The following RBPJ variants were observed in gnomAD, a reference collection of about 807,000 sequenced individuals.
RBPJ encodes recombination signal binding protein for immunoglobulin kappa J region, also known as recombining binding protein suppressor of hairless.
Under a neutral mutation model 67.8 loss-of-function variants are expected in RBPJ, and 9 were observed. The observed-to-expected ratio is 0.13, with a 90% confidence interval of 0.08 to 0.23. The LOEUF (loss-of-function observed/expected upper bound fraction) is 0.23. Ranked by LOEUF, RBPJ falls within the 10% of genes least tolerant of loss-of-function variation. The pLI is 1.00. For missense variants in RBPJ, 305 were observed against 595.6 expected, an observed-to-expected ratio of 0.51 and a Z score of 5.08; for synonymous variants, 198 against 203.3, an observed-to-expected ratio of 0.97 and a Z score of 0.22.
At chr4:26,387,430 T>G (rs1731027534) in intron 2 of RBPJ, among the ~76,000 whole-genome samples, 1 of 152,130 alleles carries the variant, frequency 6.6e-6, no homozygotes, top group African/African-American at 2.4e-5. Context: ...AAGTCATTTA[T>G]AATTAATAAA....
intron 1 of RBPJ, among the ~76,000 whole-genome samples, chr4:26,276,758 G>C (rs760342899): frequency 1.3e-5 from 2 of 152,148 alleles, no homozygotes; most frequent in Non-Finnish European, 2.9e-5. Flanking sequence ...GATATTAACT[G>C]AGCACATACT....
chr4:26,212,974 A>G (rs1357928341), intron 1 of RBPJ, among the ~76,000 whole-genome samples: 1 of 151,764 alleles, frequency 6.6e-6, no homozygotes, highest in African/African-American at 2.4e-5. Flanking sequence ...ACACATCTCA[A>G]CTCCACAGGA....
At chr4:26,382,074 A>G (rs1287544457) in intron 1 of RBPJ, among the ~76,000 whole-genome samples, 3 of 152,148 alleles carry the variant, frequency 2.0e-5, no homozygotes, top group African/African-American at 2.4e-5. Flanking sequence ...CCATATACCT[A>G]TTATCAAAAA....
At chr4:26,250,825 T>C (rs949473818) in intron 1 of RBPJ, among the ~76,000 whole-genome samples, 14 of 152,366 alleles carry the variant, frequency 9.2e-5, no homozygotes, top group African/African-American at 3.1e-4. Context: ...CTTAATACAC[T>C]GTGGACATCT....
At chr4:26,399,868 G>A (rs1227229953) in intron 2 of RBPJ, among the ~76,000 whole-genome samples, 2 of 151,894 alleles carry the variant, frequency 1.3e-5, no homozygotes, top group African/African-American at 2.4e-5. Flanking sequence ...TTGTAGAGAT[G>A]GGGTTTCACT....
At chr4:26,408,568 C>T (rs1166376184) in intron 3 of RBPJ, among the ~76,000 whole-genome samples, 4 of 151,984 alleles carry the variant, frequency 2.6e-5, no homozygotes, top group Admixed American at 6.5e-5. Context: ...ATAGTGAATC[C>T]GAGGTAGAAA....
chr4:26,282,066 G>A (rs143437397), intron 1 of RBPJ, among the ~76,000 whole-genome samples: 6 of 151,704 alleles, frequency 4.0e-5, no homozygotes, highest in African/African-American at 1.5e-4. Flanking sequence ...TATCTAGGAA[G>A]AGAGTCAGTT....
intron 1 of RBPJ, among the ~76,000 whole-genome samples, chr4:26,180,924 G>A (rs376489324): frequency 1.8e-4 from 27 of 152,094 alleles, no homozygotes; most frequent in East Asian, 7.7e-4. Flanking sequence ...TCATAGAGGC[G>A]AGTATTTCCC....
At chr4:26,132,727 A>C in the RBPJ span, among the ~76,000 whole-genome samples, 1 of 152,204 alleles carries the variant, frequency 6.6e-6, no homozygotes, top group African/African-American at 2.4e-5. Flanking sequence ...CTTCAAAAAC[A>C]AAACAAAACA....
chr4:26,182,291 G>A (rs997603729), intron 1 of RBPJ, among the ~76,000 whole-genome samples: 9 of 151,870 alleles, frequency 5.9e-5, no homozygotes, highest in Non-Finnish European at 8.8e-5. Flanking sequence ...GCAGTGAGCC[G>A]AGATCGCGCC....
chr4:26,199,985 G>A (rs144214752), intron 1 of RBPJ, among the ~76,000 whole-genome samples: 5 of 152,298 alleles, frequency 3.3e-5, no homozygotes, highest in Non-Finnish European at 7.4e-5. Flanking sequence ...CAATCCTGCA[G>A]TTGATGATGG....
intron 2 of RBPJ, among the ~76,000 whole-genome samples, chr4:26,404,009 A>G (rs942473416): frequency 2.0e-5 from 3 of 152,234 alleles, no homozygotes; most frequent in African/African-American, 7.2e-5. Flanking sequence ...CCAACAGTGT[A>G]TAAATGTTCC....
chr4:26,139,743 G>A, the RBPJ span, among the ~76,000 whole-genome samples: 4 of 152,154 alleles, frequency 2.6e-5, no homozygotes, highest in Admixed American at 2.6e-4. Context: ...CAGTAAGTCA[G>A]ACTGAAAGCC....
At chr4:26,135,415 G>T in the RBPJ span, among the ~76,000 whole-genome samples, 1 of 152,056 alleles carries the variant, frequency 6.6e-6, no homozygotes, top group African/African-American at 2.4e-5. Flanking sequence ...GGAAGTGGTG[G>T]ACATGGGATT....
At chr4:26,139,535 C>A in the RBPJ span, among the ~76,000 whole-genome samples, 1 of 152,220 alleles carries the variant, frequency 6.6e-6, no homozygotes, top group Non-Finnish European at 1.5e-5. Context: ...GAAGCTGTGT[C>A]CCCCCTGGGG....
At chr4:26,121,897 T>C in the RBPJ span, among the ~76,000 whole-genome samples, 3 of 47,498 alleles carry the variant, frequency 6.3e-5, no homozygotes, top group Admixed American at 7.4e-4. Flanking sequence ...TTTTTTTTTG[T>C]ATTTATCTCC....
intron 5 of RBPJ, among the ~76,000 whole-genome samples, chr4:26,423,409 C>T (rs767832600): frequency 3.3e-5 from 5 of 152,112 alleles, no homozygotes; most frequent in Admixed American, 1.3e-4. Flanking sequence ...AGACTGATGA[C>T]GGGGCTCAAG....
At chr4:26,317,439 G>A (rs113419211), upstream of RBPJ, among the ~76,000 whole-genome samples, 187 of 152,272 alleles carry the variant, frequency 1.2e-3, 1 homozygote, top group African/African-American at 4.3e-3. Context: ...AGAGGTAGAG[G>A]AGGAGGTGAA....
intron 1 of RBPJ, among the ~76,000 whole-genome samples, chr4:26,348,356 C>T (rs1726393333): frequency 6.6e-6 from 1 of 152,124 alleles, no homozygotes; most frequent in Non-Finnish European, 1.5e-5. Flanking sequence ...TTGCTCAGTC[C>T]TTCTAATACT....
Sources: gnomAD v4.1 joint callset for allele counts (sites outside exome capture counted in the v4.1 genomes callset) on GRCh38, gnomAD v4.1.1 for gene constraint, MANE v1.5 for transcripts, NCBI Gene and HGNC (gene_info 2026-07-23, HGNC 2026-07-21) for gene names.